XKR3: variants seen among roughly 807,000 people sequenced by gnomAD.
XKR3 encodes the protein XK-related protein 3.
In XKR3, 27 loss-of-function variants were observed where a neutral mutation model predicts 40.3. The ratio of observed to expected loss-of-function variants is 0.67; its 90% confidence interval spans 0.49 to 0.92. XKR3 has a LOEUF of 0.92. Among genes scored for constraint, XKR3 ranks in the 40% least tolerant of loss-of-function variants. The pLI is 0.00. For synonymous variants in XKR3, 193 were observed against 195.4 expected, an observed-to-expected ratio of 0.99 and a Z score of 0.10; for missense variants, 472 against 537.6, an observed-to-expected ratio of 0.88 and a Z score of 1.21.
At chr22:16,809,070 G>A (rs901581098) in intron 1 of XKR3, among the ~76,000 whole-genome samples, 13 of 152,188 alleles carry the variant, frequency 8.5e-5, no homozygotes, top group African/African-American at 2.9e-4. Flanking sequence ...TGGGAGGGAA[G>A]AAGCAGGAAG....
intron 3 of XKR3, among the ~76,000 whole-genome samples, chr22:16,790,342 G>A (rs1357004615): frequency 8.8e-4 from 109 of 124,432 alleles, no homozygotes; most frequent in South Asian, 1.3e-3. Context: ...CTTCCACGCA[G>A]AAAAAAAAAA....
chr22:16,810,935 A>T (rs1286109177), intron 1 of XKR3, among the ~76,000 whole-genome samples: 1 of 152,172 alleles, frequency 6.6e-6, no homozygotes, highest in Non-Finnish European at 1.5e-5. Flanking sequence ...CTGCATATAC[A>T]TGAACCCACG....
In XKR3 at chr22:16,784,060, T is replaced by C. The variant is rs1267420306; in HGVS notation, c.939A>G (p.Leu313=). The C allele has an allele frequency of 2.4e-5, 39 of 1,614,228 alleles. No homozygotes were observed. The highest frequency in any genetic ancestry group is 3.3e-5 in the Non-Finnish European group (39 of 1,180,042). The change falls in exon 4 of 4, where the codon CTA becomes CTG. Residue 313 remains leucine (L), a synonymous_variant. Transcript: ENST00000684488. ...TVLMLFLITL[L]YAAINFSCWS... is the part of the protein sequence containing the mutation. The stretch of plus-strand genomic sequence containing the variant: ...AGCAGGAGAAGTTGATGGCAGCATA[T>C]AGCAGTGTGATCAAGAAAAGCATCA...
intron 3 of XKR3, among the ~76,000 whole-genome samples, chr22:16,794,277 G>GAAAC (rs1282648886): frequency 6.6e-6 from 1 of 151,872 alleles, no homozygotes; most frequent in Non-Finnish European, 1.5e-5. Flanking sequence ...ACTGCAAAAA[G>GAAAC]AAACAAACAA....
At chr22:16,791,977 T>C (rs1251006580) in intron 3 of XKR3, among the ~76,000 whole-genome samples, 5 of 152,118 alleles carry the variant, frequency 3.3e-5, no homozygotes, top group African/African-American at 1.2e-4. Flanking sequence ...GGTTTGCTCT[T>C]GTTCCCCAGG....
chr22:16,813,291 A>C (rs756633123), intron 1 of XKR3, among the ~76,000 whole-genome samples: 1 of 150,514 alleles, frequency 6.6e-6, no homozygotes, highest in Non-Finnish European at 1.5e-5. Context: ...CTCAAAAAAA[A>C]CAAAAAACAA....
At chr22:16,800,197 T>TTA (rs2060162868) in intron 2 of XKR3, among the ~76,000 whole-genome samples, 173 bp from the exon 3 acceptor site, 1 of 145,612 alleles carries the variant, frequency 6.9e-6, no homozygotes, top group Non-Finnish European at 1.6e-5. Flanking sequence ...TCTAATATTA[T>TTA]TATTTATGGT....
chr22:16,785,526 G>A (rs2060086584), intron 3 of XKR3, among the ~76,000 whole-genome samples: 1 of 151,970 alleles, frequency 6.6e-6, no homozygotes, highest in Non-Finnish European at 1.5e-5. Flanking sequence ...ACATTCAGTT[G>A]AAAGAGAAAA....
At chr22:16,792,285 C>T (rs1012832292) in intron 3 of XKR3, among the ~76,000 whole-genome samples, 38 of 151,956 alleles carry the variant, frequency 2.5e-4, no homozygotes, top group African/African-American at 7.5e-4. Flanking sequence ...AATAGGTGTC[C>T]GTCTACATTT....
intron 3 of XKR3, among the ~76,000 whole-genome samples, chr22:16,796,809 A>T (rs1169860419): frequency 6.6e-6 from 1 of 152,228 alleles, no homozygotes; most frequent in Non-Finnish European, 1.5e-5. Context: ...ATTAGAAAAA[A>T]TTCTATTCTA....
At position 16,791,922 on chromosome 22, in the gene XKR3, T is replaced by G. The variant is rs1167143968; in HGVS notation, c.590-7513A>C. ...GTACCATTTTCTTTTTGTTTTTTTT[T>G]TTTGTTTGTTTTTTGCTTTTGTTGT... On this transcript the variant is annotated intron_variant, in intron 3 of 3. Transcript: ENST00000684488. 2.7e-4 allele frequency among the ~76,000 whole-genome samples: 36 copies of G among 134,194 alleles called. No individual in the cohort carries two copies. The East Asian group carries it at 2.9e-3, about 11-fold the overall frequency. The allele number at this position is 134,194 out of a possible 152,430, so 88.0% of individuals were successfully genotyped here. A position where few individuals can be genotyped will look rare whatever the true frequency, so the allele number is the denominator to read the frequency against.
chr22:16,785,834 C>A (rs1407457327), intron 3 of XKR3, among the ~76,000 whole-genome samples: 4 of 152,002 alleles, frequency 2.6e-5, no homozygotes, highest in Admixed American at 6.5e-5. Context: ...GGCGACAGAG[C>A]GAGACTCCAT....
intron 1 of XKR3, among the ~76,000 whole-genome samples, chr22:16,818,464 G>GA (rs1337364960): frequency 1.3e-5 from 2 of 152,096 alleles, no homozygotes; most frequent in Non-Finnish European, 2.9e-5. Flanking sequence ...AATAGGCACA[G>GA]ACAAAAAGAG....
At chr22:16,799,667 G>T in intron 3 of XKR3, 104 bp downstream of exon 3, 1 of 1,317,500 alleles carries the variant, frequency 7.6e-7, no homozygotes, top group African/African-American at 1.5e-5. Flanking sequence ...AAAATTTAGT[G>T]CAACTGTAAT....
rs757110718 is a variant in XKR3 at position 16,784,267 on chromosome 22, C to CA, written c.731dup (p.Leu244PhefsTer54). On this transcript the variant is annotated frameshift_variant, in exon 4 of 4. Coordinates refer to ENST00000684488, the MANE Select transcript of XKR3 (RefSeq NM_001386955.1). LOFTEE classifies it high-confidence loss of function. ...GAGTCACTACACGTGAGATAACCTC[C>CA]AAAAAACGCCACATCACGACACAGA... The CA allele has an allele frequency of 3.1e-6, 5 of 1,613,558 alleles. No homozygotes were observed. The African/African-American group carries it at 6.7e-5, about 22-fold the overall frequency.
In XKR3 at chr22:16,784,083, T is replaced by G. The variant is rs2060078523; in HGVS notation, c.916A>C (p.Met306Leu). The change falls in exon 4 of 4, where the codon ATG (methionine) becomes CTG (leucine). Residue 306 changes from methionine (M) to leucine (L), a missense_variant. Transcript: ENST00000684488. The stretch of plus-strand genomic sequence containing the variant: ...TATAGCAGTGTGATCAAGAAAAGCA[T>G]CAGTACTGTACCCACCATATTGGAA... ...NNSNMVGTVL[M>L]LFLITLLYAA... 5 of 1,614,176 alleles carry G rather than the reference T, an allele frequency of 3.1e-6. No homozygotes were observed. The highest frequency in any genetic ancestry group is 4.2e-6 in the Non-Finnish European group (5 of 1,180,046).
chr22:16,815,105 C>T (rs2060227760), intron 1 of XKR3, among the ~76,000 whole-genome samples: 1 of 151,862 alleles, frequency 6.6e-6, no homozygotes, highest in African/African-American at 2.4e-5. Context: ...GTGTAGATGC[C>T]TTTTTTCAGG....
chr22:16,813,448 C>T (rs2060221268), intron 1 of XKR3, among the ~76,000 whole-genome samples: 1 of 151,868 alleles, frequency 6.6e-6, no homozygotes, highest in Non-Finnish European at 1.5e-5. Context: ...CCATTCTGTC[C>T]GATTTTTAAG....
At position 16,800,440 on chromosome 22, in the gene XKR3, T is replaced by C. The variant is rs560046773; in HGVS notation, c.336-416A>G. Among the ~76,000 whole-genome samples, 30 of 152,338 alleles carry C rather than the reference T, an allele frequency of 2.0e-4. No individual in the cohort carries two copies. In the South Asian group the frequency reaches 6.2e-3, roughly 32 times the overall value. ...CTATTCTGACAACTTTTTAAAGACA[T>C]CAATGTTTTTAGGTGTTCTTCCCAT... On this transcript the variant is annotated intron_variant, in intron 2 of 3. Transcript: ENST00000684488.
Sources: allele counts gnomAD v4.1 joint callset (sites outside exome capture counted in the v4.1 genomes callset), GRCh38; gene constraint gnomAD v4.1.1; transcripts MANE v1.5; gene names NCBI Gene and HGNC (gene_info 2026-07-23, HGNC 2026-07-21).